The following TMEM68 variants were observed in gnomAD, a reference collection of about 807,000 sequenced individuals.
TMEM68 encodes DGAT1/2-independent enzyme synthesizing storage lipids.
In TMEM68, 25 loss-of-function variants were observed where a neutral mutation model predicts 36.9. That is an observed-to-expected ratio of 0.68 (90% CI 0.49 to 0.95). TMEM68 has a LOEUF of 0.95. Ranked by LOEUF, TMEM68 falls within the 40% of genes least tolerant of loss-of-function variation. The probability of loss-of-function intolerance (pLI) is 0.00; values close to 1 mark genes in which losing one functional copy is unlikely to be tolerated. For missense variants in TMEM68, 333 were observed against 392.0 expected (o/e 0.85, Z 1.27); for synonymous variants, 131 against 124.4 (o/e 1.05, Z -0.35).
In TMEM68 at chr8:55,739,636, C is replaced by T. The variant is rs1810037398; in HGVS notation, c.*496G>A. 6.6e-6 allele frequency: 1 copy of T among 152,592 alleles called. No homozygotes were observed. Among genetic ancestry groups the T allele is most frequent in the African/African-American group, 2.4e-5 (1 of 41,442 alleles). 9.5% of individuals were successfully genotyped at this position (152,592 alleles called of 1,614,324 possible). ...AAAATAATATCATTCATCATACGATCATGTTTTTAAAAAGTGAATTGTTGA... is the reference window on the plus strand; with the variant it reads ...AAAATAATATCATTCATCATACGATTATGTTTTTAAAAAGTGAATTGTTGA... On this transcript the variant is annotated 3_prime_UTR_variant, in exon 8 of 8. Coordinates refer to ENST00000434581, the MANE Select transcript of TMEM68 (RefSeq NM_001286657.2).
At chr8:55,761,510 G>C (rs1380064803) in intron 3 of TMEM68, 1 of 152,014 alleles carries the variant, frequency 6.6e-6, no homozygotes, top group East Asian at 1.9e-4. Context: ...AGGTATCTGG[G>C]GTTGTAACCT....
intron 1 of TMEM68, among the ~76,000 whole-genome samples, chr8:55,772,652 C>A (rs1811217489): frequency 6.6e-6 from 1 of 152,176 alleles, no homozygotes; most frequent in South Asian, 2.1e-4. Flanking sequence ...TTCGTTTAGT[C>A]CTCCCTGCAG....
Position 55,754,461 on chromosome 8 carries a change from A to ATC in TMEM68, c.493+1782_493+1783insGA, listed in dbSNP as rs1810511420. On this transcript the variant is annotated intron_variant, in intron 4 of 7. Transcript: ENST00000434581. ...CTGTCTCGAATATATATATATATAT[A>ATC]TATATACACACACACACACACACAC... is the stretch of plus-strand genomic sequence containing the variant. 2.6e-5 allele frequency among the ~76,000 whole-genome samples: 3 copies of ATC among 113,844 alleles called. 1 individual carries two copies. Among genetic ancestry groups the ATC allele is most frequent in the Non-Finnish European group, 5.1e-5 (3 of 58,424 alleles). 74.7% of individuals were successfully genotyped at this position (113,844 alleles called of 152,430 possible). A position where few individuals can be genotyped will look rare whatever the true frequency, so the allele number is the denominator to read the frequency against.
chr8:55,772,204 T>C (rs1194142144), intron 1 of TMEM68, among the ~76,000 whole-genome samples: 1 of 152,244 alleles, frequency 6.6e-6, no homozygotes, highest in Non-Finnish European at 1.5e-5. Context: ...TGAAAATGAA[T>C]ATTTCCACTA....
intron 1 of TMEM68, among the ~76,000 whole-genome samples, chr8:55,765,638 A>G (rs1210469017): frequency 2.0e-5 from 3 of 152,232 alleles, no homozygotes; most frequent in Admixed American, 6.5e-5. Flanking sequence ...ATATGCTACT[A>G]TTTTCTACAT....
chr8:55,768,128 T>C (rs904633545), intron 1 of TMEM68, among the ~76,000 whole-genome samples: 1 of 150,150 alleles, frequency 6.7e-6, no homozygotes, highest in Non-Finnish European at 1.5e-5. Flanking sequence ...ACTTCCTTCC[T>C]GTAGGAGACA....
chr8:55,759,163 T>C (rs1465063222), intron 3 of TMEM68, among the ~76,000 whole-genome samples: 2 of 149,696 alleles, frequency 1.3e-5, no homozygotes, highest in African/African-American at 4.9e-5. Flanking sequence ...CTCAAGCCTG[T>C]AATGCCAGTT....
Position 55,750,969 on chromosome 8 carries a change from T to C in TMEM68, c.682A>G (p.Lys228Glu). Residue 228 changes from lysine (K) to glutamate (E), a missense_variant, in exon 5 of 8, where the codon AAA becomes GAA. Lys to Glu is a moderately conservative substitution (Grantham distance 56). Transcript: ENST00000434581. ...RGFAQVAIDA[K>E]VPIIPMFTQN... ...ATTAATTTTATATAACTCACCACTT[T>C]TGCATCAATTGCAACCTGAGCAAAG... is the stretch of plus-strand genomic sequence containing the variant. The C allele has an allele frequency of 6.2e-7, 1 of 1,602,850 alleles. No individual in the cohort carries two copies. The highest frequency in any genetic ancestry group is 8.5e-7 in the Non-Finnish European group (1 of 1,177,394).
chr8:55,756,702 T>TCCG (rs1810618688), intron 3 of TMEM68, among the ~76,000 whole-genome samples: 1 of 150,734 alleles, frequency 6.6e-6, no homozygotes, highest in East Asian at 2.0e-4. Flanking sequence ...GAGTGGGGAG[T>TCCG]CAGAACCAGA....
At chr8:55,758,661 T>C (rs897239192) in intron 3 of TMEM68, among the ~76,000 whole-genome samples, 2 of 152,060 alleles carry the variant, frequency 1.3e-5, no homozygotes, top group East Asian at 3.9e-4. Flanking sequence ...AAAAAATTAA[T>C]TGGGCATGGT....
At chr8:55,769,322 CAAAAAAAAAA>C (rs56065552) in intron 1 of TMEM68, among the ~76,000 whole-genome samples, 1 of 71,602 alleles carries the variant, frequency 1.4e-5, no homozygotes, top group African/African-American at 5.7e-5. Flanking sequence ...AATCCCATCT[CAAAAAAAAAA>C]AAAAAAAAAG....
chr8:55,759,490 G>A (rs1445155334), intron 3 of TMEM68, among the ~76,000 whole-genome samples: 4 of 151,978 alleles, frequency 2.6e-5, no homozygotes, highest in Non-Finnish European at 5.9e-5. Flanking sequence ...AGAATCGCTC[G>A]AACTTGGGAG....
chr8:55,757,077 G>A (rs1273364114), intron 3 of TMEM68, among the ~76,000 whole-genome samples: 1 of 152,172 alleles, frequency 6.6e-6, no homozygotes, highest in East Asian at 1.9e-4. Context: ...TTCACTGTTA[G>A]AGGAGGGGGT....
chr8:55,744,890 G>T (rs1810223992), intron 6 of TMEM68, among the ~76,000 whole-genome samples, 171 bp downstream of exon 6: 1 of 152,172 alleles, frequency 6.6e-6, no homozygotes, highest in Non-Finnish European at 1.5e-5. Flanking sequence ...TCAGCATTAA[G>T]AACTGTCATT....
At position 55,751,347 on chromosome 8, in the gene TMEM68, A is replaced by C; in HGVS notation, c.494-190T>G. On this transcript the variant is annotated intron_variant, in intron 4 of 7. Coordinates refer to ENST00000434581, the MANE Select transcript of TMEM68 (RefSeq NM_001286657.2). ...TTAAGCTTCTCTGGCTCAAATTCTTAAGTAAAACTCACAACAATCTTGACA... is the reference window on the plus strand; with the variant it reads ...TTAAGCTTCTCTGGCTCAAATTCTTCAGTAAAACTCACAACAATCTTGACA... 7 of 548,468 alleles carry C rather than the reference A, an allele frequency of 1.3e-5. No individual in the cohort carries two copies. In the South Asian group the frequency reaches 1.7e-4, roughly 14 times the overall value. 34.0% of individuals were successfully genotyped at this position (548,468 alleles called of 1,614,324 possible).
intron 7 of TMEM68, 130 bp from the exon 8 acceptor site, chr8:55,740,348 A>G (rs1185147649): frequency 1.6e-6 from 1 of 640,752 alleles, no homozygotes; most frequent in Non-Finnish European, 2.5e-6. Flanking sequence ...TCTTTTTTAT[A>G]GAGATGGGGT....
intron 4 of TMEM68, among the ~76,000 whole-genome samples, chr8:55,754,877 ATATT>A (rs1810550592): frequency 7.3e-6 from 1 of 136,170 alleles, no homozygotes; most frequent in Non-Finnish European, 1.5e-5. Flanking sequence ...TATATAGTAT[ATATT>A]TATATTATAT....
intron 5 of TMEM68, among the ~76,000 whole-genome samples, chr8:55,749,517 C>A (rs1810374160): frequency 6.6e-6 from 1 of 152,142 alleles, no homozygotes; most frequent in South Asian, 2.1e-4. Context: ...ATCTGGGAAG[C>A]CCCTTCAGTC....
intron 1 of TMEM68, among the ~76,000 whole-genome samples, chr8:55,770,443 G>C (rs1348909591): frequency 6.6e-6 from 1 of 152,210 alleles, no homozygotes; most frequent in African/African-American, 2.4e-5. Flanking sequence ...TCGAGGCCAA[G>C]GTGGAAGGAC....
Sources: allele counts gnomAD v4.1 joint callset (sites outside exome capture counted in the v4.1 genomes callset), GRCh38; gene constraint gnomAD v4.1.1; transcripts MANE v1.5; gene names NCBI Gene and HGNC (gene_info 2026-07-23, HGNC 2026-07-21).